The following PHIP variants were observed in gnomAD, a reference collection of about 807,000 sequenced individuals.
PHIP encodes the protein PHIP subunit of CUL4-Ring ligase complex, also known as PH-interacting protein.
A neutral mutation model predicts 236.8 loss-of-function variants in PHIP; 54 were observed. The observed-to-expected ratio is 0.23, with a 90% CI of 0.18 to 0.29. The LOEUF is 0.29. Among genes scored for constraint, PHIP ranks in the 10% least tolerant of loss-of-function variants. PHIP has a pLI of 1.00. For synonymous variants in PHIP, 756 were observed against 718.9 expected, an observed-to-expected ratio of 1.05 and a Z score of -0.83; for missense variants, 1,370 against 2,190.8, an observed-to-expected ratio of 0.63 and a Z score of 7.48.
chr6:79,071,851 A>G lies in PHIP; in HGVS notation c.189+5597T>C, dbSNP rs1773893608. On this transcript the variant is annotated intron_variant, in intron 4 of 39. Coordinates refer to ENST00000275034, the MANE Select transcript of PHIP (RefSeq NM_017934.7). The stretch of plus-strand genomic sequence containing the variant: ...ATACCCACAAAACTTGAGAAAGGGA[A>G]GAATGACTGTCAATTGGTTTTAACT... Among the ~76,000 whole-genome samples the G allele has an allele frequency of 3.3e-5, 5 of 152,230 alleles. No individual in the cohort carries two copies. In the South Asian group the frequency reaches 1.0e-3, roughly 32 times the overall value.
At chr6:78,991,028 A>G (rs1168017094) in intron 19 of PHIP, 43 bp from the exon 20 acceptor site, 3 of 1,177,604 alleles carry the variant, frequency 2.5e-6, no homozygotes, top group Non-Finnish European at 3.7e-6. Context: ...AATTTTACAC[A>G]TAACTTTCCT....
intron 9 of PHIP, among the ~76,000 whole-genome samples, chr6:79,019,910 T>C (rs912134459): frequency 2.0e-5 from 3 of 152,268 alleles, no homozygotes; most frequent in Admixed American, 6.5e-5. Flanking sequence ...CCAGCTCTAA[T>C]ACATTTAACA....
chr6:78,972,871 G>A (rs1469928650), intron 24 of PHIP, among the ~76,000 whole-genome samples: 1 of 152,096 alleles, frequency 6.6e-6, no homozygotes, highest in African/African-American at 2.4e-5. Context: ...AAGAAATATA[G>A]GACTATGTGA....
At chr6:78,992,516 C>T (rs1160364162) in intron 19 of PHIP, among the ~76,000 whole-genome samples, 1 of 151,398 alleles carries the variant, frequency 6.6e-6, no homozygotes, top group Non-Finnish European at 1.5e-5. Flanking sequence ...GTTTGTGGAA[C>T]CCTGCAATGA....
At chr6:79,016,455 T>A in intron 13 of PHIP, 89 bp downstream of exon 13, 1 of 620,602 alleles carries the variant, frequency 1.6e-6, no homozygotes. Flanking sequence ...ACATGATATA[T>A]AATTTTATAG....
In PHIP at chr6:78,939,858, A is replaced by G. The variant is rs1318444290; in HGVS notation, c.*835T>C. The G allele has an allele frequency of 6.6e-6, 1 of 152,488 alleles. No homozygotes were observed. The highest frequency in any genetic ancestry group is 2.4e-5 in the African/African-American group (1 of 41,450). The allele number at this position is 152,488 out of a possible 1,614,324, so 9.4% of individuals were successfully genotyped here. On this transcript the variant is annotated 3_prime_UTR_variant, in exon 40 of 40. Transcript: ENST00000275034. Reference sequence around the variant, plus strand: ...GTACCAAAAAAAGATATATCTCAGCATAACTCTTTAATAACTTGCTCTTTA... The same window carrying G: ...GTACCAAAAAAAGATATATCTCAGCGTAACTCTTTAATAACTTGCTCTTTA...
At position 78,935,941 on chromosome 6, in the gene PHIP, TACAC is replaced by T. The variant is rs1773256337; in HGVS notation, c.*4748_*4751del. On this transcript the variant is annotated 3_prime_UTR_variant, in exon 40 of 40. Coordinates refer to ENST00000275034, the MANE Select transcript of PHIP (RefSeq NM_017934.7). ...ACTACATTGCAGGGACAGGTATTCT[TACAC>T]ATACATTCTAGTTTGTATAAAAGGA... The T allele has an allele frequency of 6.4e-6, 1 of 156,514 alleles. No individual in the cohort carries two copies. Among genetic ancestry groups the T allele is most frequent in the Non-Finnish European group, 1.4e-5 (1 of 72,006 alleles). The allele number at this position is 156,514 out of a possible 1,614,324, so 9.7% of individuals were successfully genotyped here.
chr6:78,999,254 C>A (rs193007409), intron 17 of PHIP, among the ~76,000 whole-genome samples: 124 of 152,240 alleles, frequency 8.1e-4, no homozygotes, highest in African/African-American at 2.9e-3. Flanking sequence ...TAAACACCTT[C>A]ATGCACTGAA....
At chr6:78,967,195 TA>T (rs1347628386) in intron 27 of PHIP, among the ~76,000 whole-genome samples, 2 of 152,048 alleles carry the variant, frequency 1.3e-5, no homozygotes, top group Non-Finnish European at 2.9e-5. Flanking sequence ...AAGAATATGA[TA>T]AAAAAGAAAA....
At chr6:79,019,817 A>G (rs894878951) in intron 9 of PHIP, among the ~76,000 whole-genome samples, 2 of 152,188 alleles carry the variant, frequency 1.3e-5, no homozygotes, top group African/African-American at 4.8e-5. Flanking sequence ...TACAGATTAC[A>G]TATTTTATAT....
rs1773325738 is a variant in PHIP at position 79,060,681 on chromosome 6, T to C, written c.327A>G (p.Leu109=). ...AAATTTTCATACTTTTATTTGTGCG[T>C]AGTAAAGACTGTCTTCCAGCTCCTA... ...TLLGAGRQSL[L]RTNKSCKHVV... The change falls in exon 5 of 40, where the codon CTA becomes CTG. Residue 109 remains leucine, a synonymous_variant. Coordinates refer to ENST00000275034, the MANE Select transcript of PHIP (RefSeq NM_017934.7). 1 of 1,612,142 alleles carries C rather than the reference T, an allele frequency of 6.2e-7. No homozygotes were observed. The highest frequency in any genetic ancestry group is 8.5e-7 in the Non-Finnish European group (1 of 1,179,194).
chr6:79,055,293 C>T (rs1393169373), intron 6 of PHIP, among the ~76,000 whole-genome samples: 1 of 152,122 alleles, frequency 6.6e-6, no homozygotes, highest in Non-Finnish European at 1.5e-5. Flanking sequence ...ACAAGATAAA[C>T]ATGCATTAAA....
At chr6:79,052,564 T>C (rs1772849365) in intron 6 of PHIP, among the ~76,000 whole-genome samples, 1 of 152,182 alleles carries the variant, frequency 6.6e-6, no homozygotes. Flanking sequence ...TCATTGCAGT[T>C]TTCTCTTGAC....
At chr6:78,942,921 T>C (rs965390040) in intron 39 of PHIP, among the ~76,000 whole-genome samples, 2 of 152,204 alleles carry the variant, frequency 1.3e-5, no homozygotes, top group African/African-American at 4.8e-5. Context: ...TGCAGCTTTC[T>C]TAAAAAGGAA....
chr6:78,946,589 T>G (rs566680882), intron 37 of PHIP, 122 bp downstream of exon 37: 702 of 1,420,082 alleles, frequency 4.9e-4, no homozygotes, highest in Non-Finnish European at 6.2e-4. Flanking sequence ...CATAGGAACT[T>G]GCATGTCAAA....
At chr6:79,043,881 T>G (rs1381409705) in intron 6 of PHIP, among the ~76,000 whole-genome samples, 1 of 151,512 alleles carries the variant, frequency 6.6e-6, no homozygotes, top group Non-Finnish European at 1.5e-5. Flanking sequence ...TAATTAGCAC[T>G]AGGGTTTCTC....
intron 30 of PHIP, among the ~76,000 whole-genome samples, chr6:78,962,472 G>A (rs920978003): frequency 1.2e-4 from 19 of 152,024 alleles, no homozygotes; most frequent in Non-Finnish European, 4.4e-5. Context: ...CTTCAGATTT[G>A]AATATTCCTC....
chr6:78,985,027 G>A (rs754191587), intron 22 of PHIP, among the ~76,000 whole-genome samples: 2 of 148,324 alleles, frequency 1.3e-5, no homozygotes, highest in Non-Finnish European at 2.9e-5. Flanking sequence ...AGTTAACTCA[G>A]GAGGCTTGCA....
Position 78,988,342 on chromosome 6 carries a change from G to A in PHIP, c.2327C>T (p.Ala776Val), listed in dbSNP as rs960535944. The A allele has an allele frequency of 6.3e-7, 1 of 1,581,128 alleles. No individual in the cohort carries two copies. The highest frequency in any genetic ancestry group is 8.6e-7 in the Non-Finnish European group (1 of 1,164,598). The change falls in exon 21 of 40, where the codon GCT (alanine) becomes GTT (valine). Residue 776 changes from alanine to valine, a missense_variant. This residue lies in a region of PHIP where 99 missense variants were observed against 110.0 expected (regional missense o/e 0.90). Transcript: ENST00000275034. The stretch of plus-strand genomic sequence containing the variant: ...TCCAAGATCCAGGAAATGCTCATGA[G>A]CATGATTCTAGAAAAAAATAAATTA... Reference protein sequence around the residue: ...NKIPTVSKNHAHEHFLDLGES... With the variant: ...NKIPTVSKNHVHEHFLDLGES...
Sources: allele counts gnomAD v4.1 joint callset (sites outside exome capture counted in the v4.1 genomes callset), GRCh38; gene constraint gnomAD v4.1.1; regional missense constraint gnomAD v4.1.1; transcripts MANE v1.5; gene names NCBI Gene and HGNC (gene_info 2026-07-23, HGNC 2026-07-21).